The following LINGO2 variants were observed in gnomAD, a reference collection of about 807,000 sequenced individuals.
LINGO2 encodes the protein leucine rich repeat and Ig domain containing 2.
In LINGO2, 14 loss-of-function variants were observed where a neutral mutation model predicts 30.6. That is an observed-to-expected ratio of 0.46 (90% confidence interval 0.30 to 0.72). The LOEUF (loss-of-function observed/expected upper bound fraction) is 0.72, where lower values mean the gene tolerates loss of function less well. Among genes scored for constraint, LINGO2 ranks in the 30% least tolerant of loss-of-function variants. LINGO2 has a pLI of 0.07. For synonymous variants in LINGO2, 317 were observed against 288.5 expected, an observed-to-expected ratio of 1.10 and a Z score of -1.00; for missense variants, 729 against 751.7, an observed-to-expected ratio of 0.97 and a Z score of 0.35.
chr9:28,539,656 A>G (rs887424804), intron 1 of LINGO2, among the ~76,000 whole-genome samples: 2 of 152,182 alleles, frequency 1.3e-5, no homozygotes, highest in South Asian at 4.1e-4. Context: ...CTGTTGTGTA[A>G]TATCATGCTT....
At chr9:28,193,344 G>T (rs1242769989) in intron 4 of LINGO2, among the ~76,000 whole-genome samples, 2 of 151,830 alleles carry the variant, frequency 1.3e-5, no homozygotes, top group East Asian at 3.9e-4. Context: ...ATATCTTGCT[G>T]GTGGCTTTAT....
At chr9:29,051,762 G>T in the LINGO2 span, among the ~76,000 whole-genome samples, 1 of 152,078 alleles carries the variant, frequency 6.6e-6, no homozygotes, top group Non-Finnish European at 1.5e-5. Flanking sequence ...ATATTTTGGG[G>T]ATTTTGGACT....
chr9:28,017,247 A>T (rs1822885601), intron 4 of LINGO2, among the ~76,000 whole-genome samples: 1 of 152,218 alleles, frequency 6.6e-6, no homozygotes, highest in Non-Finnish European at 1.5e-5. Context: ...CTGAACAGGC[A>T]AAAGCTGGAA....
intron 4 of LINGO2, among the ~76,000 whole-genome samples, chr9:28,103,110 T>C (rs1826466136): frequency 6.6e-6 from 1 of 152,208 alleles, no homozygotes; most frequent in Non-Finnish European, 1.5e-5. Flanking sequence ...GCCTGGATTC[T>C]AGAAGACTTA....
Position 28,220,755 on chromosome 9 carries a change from C to T in LINGO2, c.-87+74453G>A, listed in dbSNP as rs532468562. 2.0e-4 allele frequency among the ~76,000 whole-genome samples: 31 copies of T among 152,156 alleles called. No individual in the cohort carries two copies. The South Asian group carries it at 5.6e-3, about 27-fold the overall frequency. On this transcript the variant is annotated intron_variant, in intron 4 of 5. Coordinates refer to ENST00000379992, the Ensembl canonical transcript of LINGO2. ...CAGATATATCAGAAATGCCTACCAT[C>T]GGTCTCCAGAAAAATTGAGGTGTAG...
chr9:28,759,404 C>T, the LINGO2 span, among the ~76,000 whole-genome samples: 27 of 151,896 alleles, frequency 1.8e-4, no homozygotes, highest in Non-Finnish European at 2.9e-4. Context: ...GTGGTTTGGC[C>T]GGGTGCGGTG....
the LINGO2 span, among the ~76,000 whole-genome samples, chr9:29,116,445 CCTTTTAT>C: frequency 0.041 from 6,257 of 151,964 alleles, 195 homozygotes; most frequent in Admixed American, 0.08. Context: ...ATTTATACTC[CCTTTTAT>C]CTTGTTTTTA....
At chr9:28,524,476 C>T (rs530454591) in intron 1 of LINGO2, among the ~76,000 whole-genome samples, 4 of 152,210 alleles carry the variant, frequency 2.6e-5, no homozygotes, top group South Asian at 4.2e-4. Context: ...AAGGAAGGGC[C>T]GGGCGTGGTG....
intron 1 of LINGO2, among the ~76,000 whole-genome samples, chr9:28,570,787 G>A (rs1360154426): frequency 6.6e-6 from 1 of 151,842 alleles, no homozygotes; most frequent in Non-Finnish European, 1.5e-5. Context: ...CTCTTCAGTT[G>A]TTTTTCACCC....
the LINGO2 span, among the ~76,000 whole-genome samples, chr9:29,060,795 G>A: frequency 6.6e-6 from 1 of 151,662 alleles, no homozygotes; most frequent in Admixed American, 6.6e-5. Flanking sequence ...GCTGAATGGA[G>A]ATAAAAGAGT....
At chr9:28,575,195 AGTTC>A (rs777094252) in intron 1 of LINGO2, among the ~76,000 whole-genome samples, 12 of 152,014 alleles carry the variant, frequency 7.9e-5, no homozygotes, top group Non-Finnish European at 1.3e-4. Flanking sequence ...TGAGGTCACG[AGTTC>A]AAGACCAGCC....
rs560105688 is a variant in LINGO2, at chr9:28,077,532, C to A, written c.-86-65127G>T. ...ATTAAGTCCATCTGTGTTCTGGGAA[C>A]CCATGTTCCTATTTAAGTAAATGCA... On this transcript the variant is annotated intron_variant, in intron 4 of 5. Transcript: ENST00000379992. Among the ~76,000 whole-genome samples the A allele has an allele frequency of 3.3e-5, 5 of 152,224 alleles. No individual in the cohort carries two copies. The East Asian group carries it at 9.6e-4, about 29-fold the overall frequency.
At chr9:28,201,679 G>T (rs1056014761) in intron 4 of LINGO2, among the ~76,000 whole-genome samples, 2 of 151,784 alleles carry the variant, frequency 1.3e-5, no homozygotes, top group Admixed American at 6.6e-5. Flanking sequence ...GGTTGAACCA[G>T]TTTACAGTCC....
chr9:28,043,687 A>G (rs928444709), intron 4 of LINGO2, among the ~76,000 whole-genome samples: 45 of 152,280 alleles, frequency 3.0e-4, no homozygotes, highest in Middle Eastern at 3.4e-3. Flanking sequence ...AATTTTGCTC[A>G]ATGATCAATT....
chr9:29,103,495 C>T, the LINGO2 span, among the ~76,000 whole-genome samples: 35,722 of 151,642 alleles, frequency 0.24, 4,344 homozygotes, highest in East Asian at 0.41. Flanking sequence ...ATTTATCTTT[C>T]ATAATTTTAC....
chr9:29,105,772 C>T, the LINGO2 span, among the ~76,000 whole-genome samples: 4 of 152,040 alleles, frequency 2.6e-5, no homozygotes, highest in Admixed American at 6.6e-5. Flanking sequence ...TCATGAACTA[C>T]CTATGGAGGA....
chr9:28,793,597 A>T, the LINGO2 span, among the ~76,000 whole-genome samples: 1 of 152,218 alleles, frequency 6.6e-6, no homozygotes, highest in Non-Finnish European at 1.5e-5. Context: ...TACACATAGG[A>T]GTGGAAAACC....
chr9:29,058,718 A>G, the LINGO2 span, among the ~76,000 whole-genome samples: 1 of 152,008 alleles, frequency 6.6e-6, no homozygotes, highest in Non-Finnish European at 1.5e-5. Flanking sequence ...GCAATCAGAA[A>G]AAGGAAAAAT....
At chr9:28,372,897 G>T (rs1055115589) in intron 2 of LINGO2, 29 bp from the exon 5 acceptor site, 2 of 152,162 alleles carry the variant, frequency 1.3e-5, no homozygotes, top group African/African-American at 4.8e-5. Context: ...ACACAAAAAG[G>T]AAACTGAAAT....
Sources: allele counts gnomAD v4.1 joint callset (sites outside exome capture counted in the v4.1 genomes callset), GRCh38; gene constraint gnomAD v4.1.1; transcripts MANE v1.5; gene names NCBI Gene and HGNC (gene_info 2026-07-23, HGNC 2026-07-21).